Variants in RBM23 observed in about 807,000 individuals in gnomAD.
RBM23 encodes RNA binding motif protein 23, also known as probable RNA-binding protein 23.
In RBM23, 53 loss-of-function variants were observed where a neutral mutation model predicts 56.2. The ratio of observed to expected loss-of-function variants is 0.94; its 90% CI spans 0.76 to 1.19. The LOEUF (loss-of-function observed/expected upper bound fraction) is 1.19, where lower values mean the gene tolerates loss of function less well. Ranked by LOEUF, RBM23 falls within the 50% of genes most tolerant of loss-of-function variation. The probability of loss-of-function intolerance (pLI) is 0.00; values close to 1 mark genes in which losing one functional copy is unlikely to be tolerated. For synonymous variants in RBM23, 197 were observed against 198.5 expected (o/e 0.99, Z 0.06); for missense variants, 642 against 590.3 (o/e 1.09, Z -0.91).
chr14:22,903,690 C>G, intron 10 of RBM23: 1 of 1,002,366 alleles, frequency 1.0e-6, no homozygotes, highest in Non-Finnish European at 1.2e-6. Context: ...AGTTCTCAGC[C>G]TGGAGTCACA....
At position 22,895,421 on chromosome 14, in the gene RBM23, T is replaced by A. The variant is rs1221628840; in HGVS notation, c.*6309A>T. ...TTATTCAGAAAGGAAAATGCCAGTG[T>A]AGGGCTAGGCTCTGGAGACCAACAA... On this transcript the variant is annotated 3_prime_UTR_variant, in exon 14 of 14. Transcript: ENST00000359890. The A allele has an allele frequency of 6.6e-6, 1 of 152,038 alleles. No homozygotes were observed. The highest frequency in any genetic ancestry group is 2.4e-5 in the African/African-American group (1 of 41,382). The allele number at this position is 152,038 out of a possible 1,614,324, so 9.4% of individuals were successfully genotyped here.
Position 22,901,316 on chromosome 14 carries a change from C to A in RBM23, c.*414G>T. ...ACTCAGTCCTCTTGATTCAGAGGTC[C>A]TAAGGGTTTTCCTTGACAGACTAAA... On this transcript the variant is annotated 3_prime_UTR_variant, in exon 14 of 14. Coordinates refer to ENST00000359890, the MANE Select transcript of RBM23 (RefSeq NM_001077351.2). 1 of 212,600 alleles carries A rather than the reference C, an allele frequency of 4.7e-6. No homozygotes were observed. The highest frequency in any genetic ancestry group is 9.5e-6 in the Non-Finnish European group (1 of 105,632). 13.2% of individuals were successfully genotyped at this position (212,600 alleles called of 1,614,324 possible).
rs769102052 is a variant in RBM23 at position 22,901,721 on chromosome 14, G to A, written c.*9C>T. 2.0e-5 allele frequency: 33 copies of A among 1,612,742 alleles called. No homozygotes were observed. The highest frequency in any genetic ancestry group is 5.0e-5 in the Admixed American group (3 of 60,002). The stretch of plus-strand genomic sequence containing the variant: ...GAGGCACAAGGAGGCAGTATACTGT[G>A]CCACTGATTTACCTGTGGAAAGAAG... On this transcript the variant is annotated 3_prime_UTR_variant, in exon 14 of 14. Coordinates refer to ENST00000359890, the MANE Select transcript of RBM23 (RefSeq NM_001077351.2).
At position 22,901,879 on chromosome 14, in the gene RBM23, C is replaced by CAA; in HGVS notation, c.1250_1251insTT (p.Ser418Ter). On this transcript the variant is annotated frameshift_variant, in exon 13 of 14. Transcript: ENST00000359890. LOFTEE classifies it high-confidence loss of function. ...GGGAGGCAAGGTTCAGGGCTGGACT[C>CAA]AGAGCTAGAACAAAGACAGGCAGAG... 1 of 1,614,150 alleles carries CAA rather than the reference C, an allele frequency of 6.2e-7. No homozygotes were observed. The highest frequency in any genetic ancestry group is 1.1e-5 in the South Asian group (1 of 91,086).
chr14:22,905,550 A>G, intron 6 of RBM23, 56 bp downstream of exon 6: 17 of 1,602,152 alleles, frequency 1.1e-5, no homozygotes, highest in Non-Finnish European at 1.5e-5. Flanking sequence ...ATTTGGCTCA[A>G]ATAACCTTTT....
chr14:22,902,305 A>T lies in RBM23; in HGVS notation c.1008T>A (p.Val336=). ...CATCCAGTCGCTCAGTCACATGGCC[A>T]ACCCTCATAGGTCGACCAGCAAGCT... ...GFELAGRPMR[V]GHVTERLDGG... The change falls in exon 11 of 14, where the codon GTT becomes GTA. Residue 336 remains valine, a synonymous_variant. Transcript: ENST00000359890. The T allele has an allele frequency of 6.2e-7, 1 of 1,614,192 alleles. No individual in the cohort carries two copies. The highest frequency in any genetic ancestry group is 8.5e-7 in the Non-Finnish European group (1 of 1,180,038).
At position 22,899,974 on chromosome 14, in the gene RBM23, T is replaced by C. The variant is rs1404719820; in HGVS notation, c.*1756A>G. 6 of 152,154 alleles carry C rather than the reference T, an allele frequency of 3.9e-5. 1 individual carries two copies. Among genetic ancestry groups the C allele is most frequent in the East Asian group, 1.9e-4 (1 of 5,198 alleles). The allele number at this position is 152,154 out of a possible 1,614,324, so 9.4% of individuals were successfully genotyped here. A position where few individuals can be genotyped will look rare whatever the true frequency, so the allele number is the denominator to read the frequency against. ...CTGCCCCTGAATTCAGGCCTTCTCA[T>C]TTGGTCCCTAAGCTGGGTGAGACAG... On this transcript the variant is annotated 3_prime_UTR_variant, in exon 14 of 14. Transcript: ENST00000359890.
Position 22,905,081 on chromosome 14 carries a change from T to C in RBM23, c.726+13A>G. ...CCCCTTAAAATCTTATGTCTGTTTC[T>C]CAGCCTGCTCACCTGTGAAGCCTGT... On this transcript the variant is annotated intron_variant, in intron 8 of 13. Transcript: ENST00000359890. 1 of 1,614,002 alleles carries C rather than the reference T, an allele frequency of 6.2e-7. No individual in the cohort carries two copies. Among genetic ancestry groups the C allele is most frequent in the Non-Finnish European group, 8.5e-7 (1 of 1,179,898 alleles).
intron 10 of RBM23, chr14:22,902,588 A>C: frequency 7.8e-7 from 1 of 1,288,636 alleles, no homozygotes; most frequent in Non-Finnish European, 9.8e-7. Context: ...AATGGCAGTC[A>C]CTTTTCAATC....
chr14:22,894,931 T>C lies in RBM23; in HGVS notation c.*6799A>G. On this transcript the variant is annotated 3_prime_UTR_variant, in exon 14 of 14. Coordinates refer to ENST00000359890, the MANE Select transcript of RBM23 (RefSeq NM_001077351.2). The stretch of plus-strand genomic sequence containing the variant: ...GGCAGGTGCCTGTAGTCCCAGCTAC[T>C]TGGGAGGCTGAGGCAGGAGAATGGC... 6.6e-6 allele frequency: 1 copy of C among 151,012 alleles called. No individual in the cohort carries two copies. Among genetic ancestry groups the C allele is most frequent in the Non-Finnish European group, 1.5e-5 (1 of 67,882 alleles). 9.4% of individuals were successfully genotyped at this position (151,012 alleles called of 1,614,324 possible). A position where few individuals can be genotyped will look rare whatever the true frequency, so the allele number is the denominator to read the frequency against.
intron 1 of RBM23, among the ~76,000 whole-genome samples, chr14:22,912,606 G>C (rs2042719698): frequency 6.6e-6 from 1 of 152,108 alleles, no homozygotes; most frequent in Non-Finnish European, 1.5e-5. Flanking sequence ...ACACATGGAT[G>C]AATCTCAAAA....
intron 4 of RBM23, among the ~76,000 whole-genome samples, chr14:22,907,943 T>C (rs533646337): frequency 3.3e-5 from 5 of 152,320 alleles, no homozygotes; most frequent in African/African-American, 1.2e-4. Flanking sequence ...AAAAAGCTTA[T>C]AGAATAAGGA....
intron 10 of RBM23, chr14:22,902,677 G>T (rs755718222): frequency 5.5e-6 from 6 of 1,090,506 alleles, no homozygotes; most frequent in Non-Finnish European, 6.7e-6. Flanking sequence ...TTTCACAAAT[G>T]GGTATATCAA....
At chr14:22,909,655 T>A (rs1004062160) in intron 2 of RBM23, 60 bp from the exon 3 acceptor site, 35 of 1,293,114 alleles carry the variant, frequency 2.7e-5, no homozygotes, top group Admixed American at 5.1e-5. Flanking sequence ...CAGATTCCAA[T>A]GGGCAAAGGG....
intron 10 of RBM23, 44 bp from the exon 11 acceptor site, chr14:22,902,426 C>CA (rs1566529359): frequency 5.7e-6 from 9 of 1,591,846 alleles, no homozygotes; most frequent in Non-Finnish European, 7.7e-6. Flanking sequence ...TCACCAAAGA[C>CA]ATGCTCTCAA....
Position 22,893,481 on chromosome 14 carries a change from A to G in RBM23, c.*8249T>C, listed in dbSNP as rs2040198271. On this transcript the variant is annotated 3_prime_UTR_variant, in exon 14 of 14. Coordinates refer to ENST00000359890, the MANE Select transcript of RBM23 (RefSeq NM_001077351.2). ...CAAAACAGGCAAAATAGCAGCAAAC[A>G]ATACCACATTCTATCTAACTGGGGG... 6.6e-6 allele frequency: 1 copy of G among 152,222 alleles called. No individual in the cohort carries two copies. The highest frequency in any genetic ancestry group is 1.5e-5 in the Non-Finnish European group (1 of 68,030). 9.4% of individuals were successfully genotyped at this position (152,222 alleles called of 1,614,324 possible).
chr14:22,908,012 TTTTTTA>T (rs1254094408), intron 4 of RBM23, among the ~76,000 whole-genome samples: 12 of 152,302 alleles, frequency 7.9e-5, no homozygotes, highest in East Asian at 1.9e-4. Flanking sequence ...AATGTTTCAA[TTTTTTA>T]TTTTTATTTT....
At chr14:22,903,615 A>C (rs939642725) in intron 10 of RBM23, 3 of 997,438 alleles carry the variant, frequency 3.0e-6, no homozygotes, top group Non-Finnish European at 3.6e-6. Flanking sequence ...TCACTGTGGG[A>C]GTGTATGCTG....
At chr14:22,908,436 G>T in intron 3 of RBM23, 56 bp from the exon 4 acceptor site, 1 of 1,523,716 alleles carries the variant, frequency 6.6e-7, no homozygotes. Context: ...AAAGAATCTC[G>T]CTCTGTCGTG....
Sources: allele counts gnomAD v4.1 joint callset (sites outside exome capture counted in the v4.1 genomes callset), GRCh38; gene constraint gnomAD v4.1.1; transcripts MANE v1.5; gene names NCBI Gene and HGNC (gene_info 2026-07-23, HGNC 2026-07-21).